Variants in SCFD2 observed in about 807,000 individuals in gnomAD.
SCFD2 encodes sec1 family domain-containing protein 2.
A neutral mutation model predicts 58.9 loss-of-function variants in SCFD2; 54 were observed. The observed-to-expected ratio is 0.92, with a 90% CI of 0.74 to 1.15. SCFD2 has a LOEUF of 1.15. Among genes scored for constraint, SCFD2 ranks in the 50% most tolerant of loss-of-function variants. SCFD2 has a pLI of 0.00. For missense variants in SCFD2, 805 were observed against 836.6 expected, an observed-to-expected ratio of 0.96 and a Z score of 0.47; for synonymous variants, 321 against 335.9, an observed-to-expected ratio of 0.96 and a Z score of 0.49.
chr4:53,061,904 T>C (rs889865082), intron 5 of SCFD2, among the ~76,000 whole-genome samples: 3 of 152,012 alleles, frequency 2.0e-5, no homozygotes, highest in African/African-American at 7.2e-5. Flanking sequence ...AAACAATAAG[T>C]GATTTTTCCC....
At chr4:53,324,420 C>CAAAAAAAAAAA in intron 2 of SCFD2, among the ~76,000 whole-genome samples, 1 of 93,818 alleles carries the variant, frequency 1.1e-5, no homozygotes, top group Non-Finnish European at 2.0e-5. Flanking sequence ...CCTGTCTCTC[C>CAAAAAAAAAAA]AAAAAAAAAA....
intron 8 of SCFD2, among the ~76,000 whole-genome samples, chr4:52,879,499 G>A (rs1718558151): frequency 6.6e-6 from 1 of 152,220 alleles, no homozygotes; most frequent in African/African-American, 2.4e-5. Flanking sequence ...GCAAGCCTCT[G>A]TGTCAAAGCA....
At chr4:52,907,378 T>G in intron 7 of SCFD2, 79 bp downstream of exon 7, 2 of 1,419,980 alleles carry the variant, frequency 1.4e-6, no homozygotes, top group Middle Eastern at 1.8e-4. Context: ...CTGGCTAGGG[T>G]TAACAGGGTG....
At chr4:53,085,290 A>G (rs1399680510) in intron 5 of SCFD2, among the ~76,000 whole-genome samples, 1 of 152,180 alleles carries the variant, frequency 6.6e-6, no homozygotes, top group East Asian at 1.9e-4. Context: ...TACAAAGGCC[A>G]CAAATAAATT....
chr4:52,981,380 A>G (rs1721371918), intron 5 of SCFD2, among the ~76,000 whole-genome samples: 2 of 152,188 alleles, frequency 1.3e-5, no homozygotes, highest in Admixed American at 1.3e-4. Context: ...ACATCCCTCT[A>G]TTAATTGAAA....
intron 5 of SCFD2, among the ~76,000 whole-genome samples, chr4:52,944,901 T>A (rs1351510762): frequency 6.6e-6 from 1 of 152,154 alleles, no homozygotes. Flanking sequence ...ACCTTCCATG[T>A]CCACCTAGCT....
chr4:53,289,182 T>C (rs1731761384), intron 3 of SCFD2, among the ~76,000 whole-genome samples: 1 of 152,018 alleles, frequency 6.6e-6, no homozygotes, highest in African/African-American at 2.4e-5. Context: ...CTGACCAACA[T>C]GGTGAAACCC....
At chr4:53,335,316 C>T (rs1733648899) in intron 2 of SCFD2, among the ~76,000 whole-genome samples, 1 of 150,340 alleles carries the variant, frequency 6.7e-6, no homozygotes, top group South Asian at 2.1e-4. Flanking sequence ...ATTAAACAAA[C>T]ATAAACTGAA....
chr4:53,262,825 C>T (rs756241460), intron 4 of SCFD2, among the ~76,000 whole-genome samples: 1 of 152,176 alleles, frequency 6.6e-6, no homozygotes, highest in Non-Finnish European at 1.5e-5. Flanking sequence ...AAGTTTTCCT[C>T]AATTATTCCC....
intron 2 of SCFD2, among the ~76,000 whole-genome samples, chr4:53,343,108 C>A (rs1004562527): frequency 3.3e-5 from 5 of 152,018 alleles, no homozygotes; most frequent in Non-Finnish European, 7.4e-5. Flanking sequence ...TAACGAAGAT[C>A]AGAGCAGAAC....
chr4:52,922,767 C>A (rs1321122031), intron 5 of SCFD2, among the ~76,000 whole-genome samples: 1 of 152,094 alleles, frequency 6.6e-6, no homozygotes, highest in African/African-American at 2.4e-5. Context: ...TGTGTTTAAC[C>A]TTTTGAGGAA....
intron 5 of SCFD2, among the ~76,000 whole-genome samples, chr4:52,953,328 C>G (rs1046340183): frequency 6.6e-6 from 1 of 152,180 alleles, no homozygotes; most frequent in Admixed American, 6.5e-5. Flanking sequence ...CAGTTTATGC[C>G]AATGACTGTG....
At chr4:52,881,232 GAC>G (rs1217794955) in intron 8 of SCFD2, among the ~76,000 whole-genome samples, 1 of 152,228 alleles carries the variant, frequency 6.6e-6, no homozygotes, top group Non-Finnish European at 1.5e-5. Flanking sequence ...TTTTGTGAAA[GAC>G]AGTTCATTTC....
intron 4 of SCFD2, among the ~76,000 whole-genome samples, chr4:53,239,040 G>T (rs1052873553): frequency 2.7e-4 from 41 of 151,766 alleles, no homozygotes; most frequent in African/African-American, 9.7e-4. Flanking sequence ...AGCGAGCCGA[G>T]ATCACGCTAC....
At chr4:53,027,549 T>A (rs1433359367) in intron 5 of SCFD2, among the ~76,000 whole-genome samples, 1 of 152,202 alleles carries the variant, frequency 6.6e-6, no homozygotes, top group East Asian at 1.9e-4. Flanking sequence ...AAAAGTAGGC[T>A]GGTAGCGGTG....
intron 4 of SCFD2, among the ~76,000 whole-genome samples, chr4:53,153,950 C>A (rs1343538352): frequency 6.6e-6 from 1 of 152,152 alleles, no homozygotes; most frequent in Non-Finnish European, 1.5e-5. Context: ...CCAACTGAGA[C>A]CTCATCAGCC....
At chr4:53,182,149 C>T (rs931529559) in intron 4 of SCFD2, among the ~76,000 whole-genome samples, 2 of 152,142 alleles carry the variant, frequency 1.3e-5, no homozygotes, top group Non-Finnish European at 2.9e-5. Context: ...TTGGAAAAAA[C>T]TACTTTAAAG....
chr4:53,063,699 G>T (rs1189532529), intron 5 of SCFD2, among the ~76,000 whole-genome samples: 1 of 152,178 alleles, frequency 6.6e-6, no homozygotes, highest in Non-Finnish European at 1.5e-5. Flanking sequence ...CTATATAACT[G>T]AATAAGCTTC....
intron 5 of SCFD2, among the ~76,000 whole-genome samples, chr4:53,007,762 C>T (rs144004205): frequency 1.3e-5 from 2 of 152,310 alleles, no homozygotes; most frequent in Non-Finnish European, 2.9e-5. Flanking sequence ...TACTCACTAG[C>T]CATCCTTCCT....
Sources: allele counts gnomAD v4.1 joint callset (sites outside exome capture counted in the v4.1 genomes callset), GRCh38; gene constraint gnomAD v4.1.1; transcripts MANE v1.5; gene names NCBI Gene and HGNC (gene_info 2026-07-23, HGNC 2026-07-21).